The following DPYS variants were observed in gnomAD, a reference collection of about 807,000 sequenced individuals.
DPYS encodes dihydropyrimidinase.
DPYS carries 39 observed loss-of-function variants against 50.3 expected under a neutral mutation model. The observed-to-expected ratio is 0.78, with a 90% CI of 0.60 to 1.01. The LOEUF (loss-of-function observed/expected upper bound fraction) is 1.01, where lower values mean the gene tolerates loss of function less well. DPYS is among the 50% of genes least tolerant of loss of function. The pLI is 0.00. For synonymous variants in DPYS, 245 were observed against 250.7 expected, an observed-to-expected ratio of 0.98 and a Z score of 0.22; for missense variants, 659 against 680.9, an observed-to-expected ratio of 0.97 and a Z score of 0.36.
intron 8 of DPYS, among the ~76,000 whole-genome samples, chr8:104,389,126 G>C (rs1811307600): frequency 6.6e-6 from 1 of 152,240 alleles, no homozygotes; most frequent in African/African-American, 2.4e-5. Flanking sequence ...ACTGACAAAT[G>C]CTGATGTGAC....
intron 6 of DPYS, among the ~76,000 whole-genome samples, chr8:104,425,214 G>A (rs1168580588): frequency 6.6e-6 from 1 of 151,228 alleles, no homozygotes; most frequent in East Asian, 2.0e-4. Context: ...TTTTGAATCA[G>A]GTGACAATGC....
intron 4 of DPYS, among the ~76,000 whole-genome samples, chr8:104,439,687 G>A (rs1191523041): frequency 6.6e-6 from 1 of 152,140 alleles, no homozygotes. Flanking sequence ...TGGGATCTGA[G>A]GTTGGGAGGA....
intron 7 of DPYS, among the ~76,000 whole-genome samples, chr8:104,423,383 C>T (rs1384499217): frequency 6.6e-6 from 1 of 152,112 alleles, no homozygotes; most frequent in Non-Finnish European, 1.5e-5. Context: ...CTTAGTGTTT[C>T]AAATGATCAT....
At chr8:104,436,436 C>T (rs1282865605) in intron 4 of DPYS, among the ~76,000 whole-genome samples, 2 of 152,096 alleles carry the variant, frequency 1.3e-5, no homozygotes, top group Non-Finnish European at 2.9e-5. Context: ...ATGGCGAAAC[C>T]CTGTCTCTAC....
chr8:104,405,106 G>A (rs1174018146), intron 7 of DPYS, among the ~76,000 whole-genome samples: 1 of 152,222 alleles, frequency 6.6e-6, no homozygotes, highest in Non-Finnish European at 1.5e-5. Context: ...ACCACTAAAA[G>A]TTGCAGTGGC....
intron 1 of DPYS, among the ~76,000 whole-genome samples, chr8:104,456,712 CA>C (rs1230225848): frequency 6.6e-6 from 1 of 152,192 alleles, no homozygotes; most frequent in Admixed American, 6.5e-5. Context: ...GTTAGCCAAA[CA>C]AAATGGATTT....
chr8:104,441,613 G>C (rs1343228651), intron 4 of DPYS, among the ~76,000 whole-genome samples: 8 of 152,194 alleles, frequency 5.3e-5, no homozygotes, highest in African/African-American at 1.7e-4. Context: ...GGGGCCACGA[G>C]CCAAGTAATT....
intron 1 of DPYS, among the ~76,000 whole-genome samples, chr8:104,463,409 T>C (rs966529733): frequency 6.6e-6 from 1 of 152,218 alleles, no homozygotes; most frequent in Non-Finnish European, 1.5e-5. Flanking sequence ...CGCATTAAAA[T>C]GCAACTTATA....
chr8:104,454,898 G>A (rs138304321), intron 1 of DPYS, among the ~76,000 whole-genome samples: 635 of 152,216 alleles, frequency 4.2e-3, no homozygotes, highest in Non-Finnish European at 5.6e-3. Context: ...CTCACAGCAA[G>A]TGCTGTGATG....
At chr8:104,396,582 T>A (rs1340267348) in intron 7 of DPYS, among the ~76,000 whole-genome samples, 2 of 152,152 alleles carry the variant, frequency 1.3e-5, no homozygotes, top group Non-Finnish European at 2.9e-5. Context: ...GACAATTATG[T>A]AATATCAATG....
At chr8:104,413,426 A>G (rs1184311044) in intron 7 of DPYS, among the ~76,000 whole-genome samples, 3 of 152,060 alleles carry the variant, frequency 2.0e-5, no homozygotes, top group Non-Finnish European at 4.4e-5. Context: ...CAAATTGGGT[A>G]GTTGTTGAGA....
chr8:104,382,664 C>A (rs562769193), intron 8 of DPYS, among the ~76,000 whole-genome samples: 2 of 151,750 alleles, frequency 1.3e-5, no homozygotes, highest in South Asian at 4.2e-4. Context: ...ATGAAAAGGG[C>A]ACTAAACATA....
At chr8:104,427,854 A>T in intron 6 of DPYS, 126 bp downstream of exon 6, 1 of 1,373,964 alleles carries the variant, frequency 7.3e-7, no homozygotes, top group Non-Finnish European at 1.0e-6. Context: ...TTGCATTCCT[A>T]GTATCCTCCC....
intron 7 of DPYS, among the ~76,000 whole-genome samples, chr8:104,395,667 G>A (rs552381278): frequency 6.6e-6 from 1 of 152,244 alleles, no homozygotes; most frequent in East Asian, 1.9e-4. Context: ...CCACTGTATG[G>A]ACATACCGCA....
chr8:104,424,901 A>G (rs1234157117), intron 6 of DPYS, among the ~76,000 whole-genome samples: 1 of 147,808 alleles, frequency 6.8e-6, no homozygotes, highest in African/African-American at 2.5e-5. Flanking sequence ...ATCTTGGCTC[A>G]CTGCAACCTC....
At chr8:104,463,909 A>C (rs1302727394) in intron 1 of DPYS, among the ~76,000 whole-genome samples, 1 of 152,150 alleles carries the variant, frequency 6.6e-6, no homozygotes, top group East Asian at 1.9e-4. Context: ...GTTTATGTTT[A>C]TCTATATTTC....
chr8:104,443,913 G>A (rs1002993754), intron 4 of DPYS, among the ~76,000 whole-genome samples: 3 of 151,992 alleles, frequency 2.0e-5, no homozygotes, highest in Admixed American at 6.6e-5. Context: ...AACAAAAACC[G>A]GAGAGCTTTG....
intron 7 of DPYS, among the ~76,000 whole-genome samples, chr8:104,407,939 T>C (rs749233821): frequency 1.1e-4 from 17 of 150,618 alleles, no homozygotes; most frequent in Non-Finnish European, 2.2e-4. Context: ...TTTTCACTTC[T>C]GGCTTAAGAC....
intron 7 of DPYS, among the ~76,000 whole-genome samples, chr8:104,405,291 C>T (rs1264945879): frequency 6.6e-6 from 1 of 152,170 alleles, no homozygotes; most frequent in Non-Finnish European, 1.5e-5. Flanking sequence ...AGTAACTTGT[C>T]CTGAGTCAGC....
Sources: gnomAD v4.1 joint callset for allele counts (sites outside exome capture counted in the v4.1 genomes callset) on GRCh38, gnomAD v4.1.1 for gene constraint, MANE v1.5 for transcripts, NCBI Gene and HGNC (gene_info 2026-07-23, HGNC 2026-07-21) for gene names.